PDGFD: variants seen among roughly 807,000 people sequenced by gnomAD.
PDGFD encodes the protein platelet derived growth factor D.
Under a neutral mutation model 44.7 loss-of-function variants are expected in PDGFD, and 30 were observed. The ratio of observed to expected loss-of-function variants is 0.67; its 90% CI spans 0.50 to 0.91. The LOEUF (loss-of-function observed/expected upper bound fraction) is 0.91, where lower values mean the gene tolerates loss of function less well. Ranked by LOEUF, PDGFD falls within the 40% of genes least tolerant of loss-of-function variation. PDGFD has a pLI of 0.00. For missense variants in PDGFD, 445 were observed against 457.8 expected (o/e 0.97, Z 0.25); for synonymous variants, 173 against 168.4 (o/e 1.03, Z -0.21).
chr11:104,055,346 C>T (rs1368096195), intron 1 of PDGFD, among the ~76,000 whole-genome samples: 1 of 152,102 alleles, frequency 6.6e-6, no homozygotes, highest in African/African-American at 2.4e-5. Context: ...AAGTGGCTGG[C>T]TTAATAAATA....
chr11:103,925,635 C>T (rs1858296166), intron 6 of PDGFD, among the ~76,000 whole-genome samples: 1 of 147,194 alleles, frequency 6.8e-6, no homozygotes, highest in Non-Finnish European at 1.5e-5. Flanking sequence ...TCTAACTCCT[C>T]TTCAGTCTAC....
intron 1 of PDGFD, among the ~76,000 whole-genome samples, chr11:104,111,105 A>G (rs168636): frequency 0.45 from 68,690 of 151,706 alleles, 16,512 homozygotes; most frequent in African/African-American, 0.62. Context: ...AACACTGATT[A>G]TAACTACACA....
At chr11:104,141,857 C>T (rs1057175999) in intron 1 of PDGFD, among the ~76,000 whole-genome samples, 6 of 152,178 alleles carry the variant, frequency 3.9e-5, no homozygotes, top group Non-Finnish European at 5.9e-5. Flanking sequence ...ACCCCTATTT[C>T]GACATTTTTA....
chr11:103,983,808 T>C (rs1019285082), intron 3 of PDGFD, among the ~76,000 whole-genome samples: 3 of 151,682 alleles, frequency 2.0e-5, no homozygotes, highest in Admixed American at 6.6e-5. Flanking sequence ...GACAATCACA[T>C]GAAAAAACCG....
chr11:103,955,204 A>C (rs1301001749), intron 3 of PDGFD, among the ~76,000 whole-genome samples: 83 of 136,100 alleles, frequency 6.1e-4, no homozygotes, highest in Non-Finnish European at 1.0e-3. Context: ...AAAAAAAAAA[A>C]AAAAACAGTA....
chr11:104,109,652 C>A lies in PDGFD; in HGVS notation c.124+54152G>T, dbSNP rs1861523535. On this transcript the variant is annotated intron_variant, in intron 1 of 6. Transcript: ENST00000393158. ...ACTGGAATCCCCTAATGTCCATACA[C>A]ATGACAATGTCAAAATAAATTAGAA... Among the ~76,000 whole-genome samples the A allele has an allele frequency of 3.9e-5, 6 of 152,024 alleles. No individual in the cohort carries two copies. In the South Asian group the frequency reaches 1.2e-3, roughly 32 times the overall value.
chr11:104,080,035 C>T (rs910029171), intron 1 of PDGFD, among the ~76,000 whole-genome samples: 2 of 152,152 alleles, frequency 1.3e-5, no homozygotes, highest in Non-Finnish European at 2.9e-5. Flanking sequence ...GGCTGAAAAT[C>T]CCTATGAGTT....
chr11:104,041,735 T>C (rs905621745), intron 1 of PDGFD, among the ~76,000 whole-genome samples: 2 of 152,220 alleles, frequency 1.3e-5, no homozygotes, highest in African/African-American at 2.4e-5. Flanking sequence ...TTGTTTGAGA[T>C]AAGCAGAACA....
chr11:104,096,466 C>T lies in PDGFD; in HGVS notation c.124+67338G>A, dbSNP rs890645877. On this transcript the variant is annotated intron_variant, in intron 1 of 6. Transcript: ENST00000393158. Reference sequence around the variant, plus strand: ...TTCATCCTAGAAGGAAGAAAGACAACGAACAAATTAGAATTATTAGTAATC... The same window carrying T: ...TTCATCCTAGAAGGAAGAAAGACAATGAACAAATTAGAATTATTAGTAATC... Among the ~76,000 whole-genome samples, 5 of 152,112 alleles carry T rather than the reference C, an allele frequency of 3.3e-5. No individual in the cohort carries two copies. In the East Asian group the frequency reaches 5.8e-4, roughly 18 times the overall value.
At chr11:104,101,458 T>C (rs149317804) in intron 1 of PDGFD, among the ~76,000 whole-genome samples, 8,421 of 151,724 alleles carry the variant, frequency 0.056, 365 homozygotes, top group African/African-American at 0.12. Flanking sequence ...AAAGAGGATA[T>C]GAACAAATGG....
chr11:104,077,401 A>G (rs934367899), intron 1 of PDGFD, among the ~76,000 whole-genome samples: 1 of 152,210 alleles, frequency 6.6e-6, no homozygotes, highest in Non-Finnish European at 1.5e-5. Context: ...AGTTAAGGAA[A>G]TAAGAGTTAG....
chr11:103,940,087 T>C (rs1858560361), intron 5 of PDGFD, among the ~76,000 whole-genome samples: 1 of 152,110 alleles, frequency 6.6e-6, no homozygotes, highest in Non-Finnish European at 1.5e-5. Context: ...ACCAAAACTT[T>C]ACTGTTCTTT....
chr11:104,137,163 T>G (rs186270743), intron 1 of PDGFD, among the ~76,000 whole-genome samples: 1 of 152,324 alleles, frequency 6.6e-6, no homozygotes, highest in African/African-American at 2.4e-5. Context: ...TTGTCAATAA[T>G]AAGTCCATTT....
intron 5 of PDGFD, among the ~76,000 whole-genome samples, chr11:103,938,089 A>T (rs537882882): frequency 6.6e-6 from 1 of 152,010 alleles, no homozygotes; most frequent in African/African-American, 2.4e-5. Flanking sequence ...TGGCTGGGTC[A>T]AATGGTATTT....
At chr11:104,097,977 C>G (rs1285350911) in intron 1 of PDGFD, among the ~76,000 whole-genome samples, 3 of 152,154 alleles carry the variant, frequency 2.0e-5, no homozygotes, top group Non-Finnish European at 4.4e-5. Flanking sequence ...CAACTGTCCT[C>G]TCCAAAAGCC....
intron 1 of PDGFD, among the ~76,000 whole-genome samples, chr11:104,009,090 G>C (rs1859744956): frequency 6.6e-6 from 1 of 152,062 alleles, no homozygotes; most frequent in Admixed American, 6.6e-5. Context: ...ATTTTTGGAA[G>C]AGATGCATTT....
Position 104,109,361 on chromosome 11 carries a change from G to C in PDGFD, c.124+54443C>G, listed in dbSNP as rs796106628. 3.9e-4 allele frequency among the ~76,000 whole-genome samples: 60 copies of C among 152,028 alleles called. 1 individual carries two copies. The highest frequency in any genetic ancestry group is 1.4e-3 in the African/African-American group (57 of 41,478). ...CTCAGTCTCTTCATCCATAAGTTAG[G>C]CACAATAATAGATACTTCATCGGGT... is the stretch of plus-strand genomic sequence containing the variant. On this transcript the variant is annotated intron_variant, in intron 1 of 6. Transcript: ENST00000393158.
At chr11:104,037,548 G>C in intron 1 of PDGFD, 1 of 1,614,014 alleles carries the variant, frequency 6.2e-7, no homozygotes, top group Non-Finnish European at 8.5e-7. Context: ...GACAAGTGAC[G>C]ATGCTCTACA....
rs751162531 is a variant in PDGFD, at chr11:104,163,913, G to C, written c.15C>G (p.Ile5Met). 1.9e-6 allele frequency: 3 copies of C among 1,550,676 alleles called. No homozygotes were observed. The Middle Eastern group carries it at 5.2e-4, about 268-fold the overall frequency. Reference sequence around the variant, plus strand: ...TTGCGCAGATTAGAGTGTAGACAAAGATGAGCCGGTGCATTTGGGATCAGC... The same window carrying C: ...TTGCGCAGATTAGAGTGTAGACAAACATGAGCCGGTGCATTTGGGATCAGC... MHRL[I>M]FVYTLICANF... Residue 5 changes from isoleucine (I) to methionine (M), a missense_variant, in exon 1 of 7, where the codon ATC (isoleucine) becomes ATG (methionine). Coordinates refer to ENST00000393158, the MANE Select transcript of PDGFD (RefSeq NM_025208.5).
Sources: gnomAD v4.1 joint callset for allele counts (sites outside exome capture counted in the v4.1 genomes callset) on GRCh38, gnomAD v4.1.1 for gene constraint, MANE v1.5 for transcripts, NCBI Gene and HGNC (gene_info 2026-07-23, HGNC 2026-07-21) for gene names.